DAZAP1: variants seen among roughly 807,000 people sequenced by gnomAD.
DAZAP1 encodes DAZ-associated protein 1.
DAZAP1 carries 6 observed loss-of-function variants against 60.1 expected under a neutral mutation model. The ratio of observed to expected loss-of-function variants is 0.10; its 90% CI spans 0.05 to 0.20. DAZAP1 has a LOEUF of 0.20. Ranked by LOEUF, DAZAP1 falls within the 10% of genes least tolerant of loss-of-function variation. The pLI, the probability that DAZAP1 is intolerant of heterozygous loss-of-function variation, is 1.00. For missense variants in DAZAP1, 366 were observed against 560.4 expected, an observed-to-expected ratio of 0.65 and a Z score of 3.50; for synonymous variants, 235 against 215.9, an observed-to-expected ratio of 1.09 and a Z score of -0.78.
Position 1,432,783 on chromosome 19 carries a change from C to A in DAZAP1, c.1048+93C>A. ...TGCTTCCTCCCCTGCTGGACGCTCC[C>A]CAGCCTTTACCTGGTGGGAAAGGGG... On this transcript the variant is annotated intron_variant, in intron 11 of 11. Transcript: ENST00000233078. This position sits in a 1 kb window ranked among gnomAD's most constrained non-coding sequence, Gnocchi z 4.9. 7.2e-7 allele frequency: 1 copy of A among 1,386,276 alleles called. No individual in the cohort carries two copies. Among genetic ancestry groups the A allele is most frequent in the Non-Finnish European group, 9.8e-7 (1 of 1,018,804 alleles). 85.9% of individuals were successfully genotyped at this position (1,386,276 alleles called of 1,614,324 possible). A position where few individuals can be genotyped will look rare whatever the true frequency, so the allele number is the denominator to read the frequency against.
Position 1,428,131 on chromosome 19 carries a change from C to G in DAZAP1, c.547-711C>G, listed in dbSNP as rs76100005. 1 of 152,218 alleles carries G rather than the reference C, an allele frequency of 6.6e-6. No homozygotes were observed. The highest frequency in any genetic ancestry group is 2.4e-5 in the African/African-American group (1 of 41,410). The allele number at this position is 152,218 out of a possible 1,614,324, so 9.4% of individuals were successfully genotyped here. Reference sequence around the variant, plus strand: ...CCTGAGAAGACTGTGGCTCCTGACACGTCTAGAGAGGAAGGGCCCCGGGCT... The same window carrying G: ...CCTGAGAAGACTGTGGCTCCTGACAGGTCTAGAGAGGAAGGGCCCCGGGCT... On this transcript the variant is annotated intron_variant, in intron 7 of 11. Transcript: ENST00000233078. This position sits in a 1 kb window ranked among gnomAD's most constrained non-coding sequence, Gnocchi z 4.0.
At chr19:1,415,388 TG>T (rs1455945212) in intron 1 of DAZAP1, among the ~76,000 whole-genome samples, 38 of 145,112 alleles carry the variant, frequency 2.6e-4, no homozygotes, top group Non-Finnish European at 5.0e-4. Flanking sequence ...TGTGTGTGTG[TG>T]TTTTGTTTTT....
rs930346130 is a variant in DAZAP1, at chr19:1,432,262, G to A, written c.872-252G>A. 31 of 544,534 alleles carry A rather than the reference G, an allele frequency of 5.7e-5. No individual in the cohort carries two copies. The highest frequency in any genetic ancestry group is 1.6e-4 in the East Asian group (5 of 30,494). The allele number at this position is 544,534 out of a possible 1,614,324, so 33.7% of individuals were successfully genotyped here. Reference sequence around the variant, plus strand: ...CTGAGGCCCACCTGGCGGCTGCTCCGTGAGGAACGAGGTGGCCCTGCTGCA... The same window carrying A: ...CTGAGGCCCACCTGGCGGCTGCTCCATGAGGAACGAGGTGGCCCTGCTGCA... On this transcript the variant is annotated intron_variant, in intron 10 of 11. Transcript: ENST00000233078. This position sits in a 1 kb window ranked among gnomAD's most constrained non-coding sequence, Gnocchi z 4.9.
Position 1,428,756 on chromosome 19 carries a change from G to A in DAZAP1, c.547-86G>A, listed in dbSNP as rs781338948. The stretch of plus-strand genomic sequence containing the variant: ...CTTAAGTTGTAAGATGCTAAGTGTA[G>A]TCATAAGTTACCCGAGGGTGTGTCT... On this transcript the variant is annotated intron_variant, in intron 7 of 11. Transcript: ENST00000233078. This position sits in a 1 kb window ranked among gnomAD's most constrained non-coding sequence, Gnocchi z 4.0. The A allele has an allele frequency of 2.6e-6, 4 of 1,516,084 alleles. No homozygotes were observed. Among genetic ancestry groups the A allele is most frequent in the Non-Finnish European group, 3.6e-6 (4 of 1,107,904 alleles). The allele number at this position is 1,516,084 out of a possible 1,614,324, so 93.9% of individuals were successfully genotyped here.
chr19:1,432,655 C>T lies in DAZAP1; in HGVS notation c.1013C>T (p.Pro338Leu), dbSNP rs951868964. ...SQAAPDMSKP[P>L]TAQPDFPYGQ... is the part of the protein sequence containing the mutation. Reference sequence around the variant, plus strand: ...GCTGCCCCGGACATGAGCAAGCCCCCGACAGCTCAGCCAGACTTCCCCTAT... The same window carrying T: ...GCTGCCCCGGACATGAGCAAGCCCCTGACAGCTCAGCCAGACTTCCCCTAT... The change falls in exon 11 of 12, where the codon CCG (proline) becomes CTG (leucine). Residue 338 changes from proline to leucine, a missense_variant. Pro to Leu is a moderately conservative substitution (Grantham distance 98). Transcript: ENST00000233078. The surrounding 1 kb of genome is among the most constrained non-coding windows in gnomAD (Gnocchi z 4.9). 15 of 1,611,782 alleles carry T rather than the reference C, an allele frequency of 9.3e-6. No homozygotes were observed. The highest frequency in any genetic ancestry group is 1.6e-4 in the Middle Eastern group (1 of 6,066).
rs2144771905 is a variant in DAZAP1 at position 1,418,047 on chromosome 19, AT to A, written c.71-155del. On this transcript the variant is annotated intron_variant, in intron 2 of 11. Coordinates refer to ENST00000233078, the MANE Select transcript of DAZAP1 (RefSeq NM_018959.4). The surrounding 1 kb of genome is among the most constrained non-coding windows in gnomAD (Gnocchi z 5.7). Reference sequence around the variant, plus strand: ...GGACCTCAAGTGTGTGTTGGGCAGAATTCCCCAGCGCTTCCCGTACACCCCC... The same window carrying A: ...GGACCTCAAGTGTGTGTTGGGCAGAATCCCCAGCGCTTCCCGTACACCCCC... Among the ~76,000 whole-genome samples the A allele has an allele frequency of 6.6e-6, 1 of 152,272 alleles. No homozygotes were observed. Among genetic ancestry groups the A allele is most frequent in the Admixed American group, 6.5e-5 (1 of 15,304 alleles).
chr19:1,432,414 C>T lies in DAZAP1; in HGVS notation c.872-100C>T, dbSNP rs1337603556. On this transcript the variant is annotated intron_variant, in intron 10 of 11. Transcript: ENST00000233078. This position sits in a 1 kb window ranked among gnomAD's most constrained non-coding sequence, Gnocchi z 4.9. ...GCGTTCTGTGGGTTTGGGTGGCAGT[C>T]CCGTCTGGGCAGCTCCTGCTGGGCT... 2 of 1,291,526 alleles carry T rather than the reference C, an allele frequency of 1.5e-6. No individual in the cohort carries two copies. Among genetic ancestry groups the T allele is most frequent in the Non-Finnish European group, 2.2e-6 (2 of 901,112 alleles). 80.0% of individuals were successfully genotyped at this position (1,291,526 alleles called of 1,614,324 possible).
chr19:1,410,751 C>T (rs932001447), intron 1 of DAZAP1, among the ~76,000 whole-genome samples: 1 of 152,212 alleles, frequency 6.6e-6, no homozygotes, highest in Admixed American at 6.5e-5. Flanking sequence ...CCATTGTGTT[C>T]TGCTGGCTTC....
intron 7 of DAZAP1, chr19:1,427,259 T>C (rs1177578868): frequency 1.3e-5 from 2 of 152,314 alleles, no homozygotes; most frequent in African/African-American, 2.4e-5. Context: ...GGTCTTGATA[T>C]ACGGGGCAGA....
Position 1,421,084 on chromosome 19 carries a change from C to T in DAZAP1, c.304-64C>T, listed in dbSNP as rs116621053. 9.2e-4 allele frequency: 1,376 copies of T among 1,494,322 alleles called. 19 individuals carry two copies. The African/African-American group carries it at 0.017, about 19-fold the overall frequency. The allele number at this position is 1,494,322 out of a possible 1,614,324, so 92.6% of individuals were successfully genotyped here. A position where few individuals can be genotyped will look rare whatever the true frequency, so the allele number is the denominator to read the frequency against. ...AGCGCGGATTGGCCTTTATGTCCTC[C>T]GCAGCTCGCGGGAGGGTTTGGAGGG... is the stretch of plus-strand genomic sequence containing the variant. On this transcript the variant is annotated intron_variant, in intron 4 of 11. Transcript: ENST00000233078.
At chr19:1,411,256 T>C (rs1035960088) in intron 1 of DAZAP1, among the ~76,000 whole-genome samples, 1 of 152,226 alleles carries the variant, frequency 6.6e-6, no homozygotes, top group Non-Finnish European at 1.5e-5. Context: ...GTCAGCACTC[T>C]GGCCTGGATC....
In DAZAP1 at chr19:1,430,302, C is replaced by T. The variant is rs768749833; in HGVS notation, c.811C>T (p.Pro271Ser). The change falls in exon 10 of 12, where the codon CCT becomes TCT. Residue 271 changes from proline (P) to serine (S), a missense_variant. This residue lies in a region of DAZAP1 where 240 missense variants were observed against 308.8 expected (regional missense o/e 0.78). Coordinates refer to ENST00000233078, the MANE Select transcript of DAZAP1 (RefSeq NM_018959.4). ...PFTSYIVSTP[P>S]GGFPPPQGFP... is the part of the protein sequence containing the mutation. ...CACCTCCTACATCGTGTCCACCCCT[C>T]CTGGAGGCTTTCCCCCTCCCCAGGG... The T allele has an allele frequency of 1.3e-6, 2 of 1,557,002 alleles. No homozygotes were observed. Among genetic ancestry groups the T allele is most frequent in the African/African-American group, 2.7e-5 (2 of 73,184 alleles).
chr19:1,434,414 G>T lies in DAZAP1; in HGVS notation c.1049-323G>T, dbSNP rs1472229626. 6.5e-6 allele frequency: 2 copies of T among 307,486 alleles called. No homozygotes were observed. Among genetic ancestry groups the T allele is most frequent in the Non-Finnish European group, 1.2e-5 (2 of 163,268 alleles). The allele number at this position is 307,486 out of a possible 1,614,324, so 19.0% of individuals were successfully genotyped here. On this transcript the variant is annotated intron_variant, in intron 11 of 11. Coordinates refer to ENST00000233078, the MANE Select transcript of DAZAP1 (RefSeq NM_018959.4). This position sits in a 1 kb window ranked among gnomAD's most constrained non-coding sequence, Gnocchi z 8.0. ...TGCCTTGGGCCATGTGTGTCTCCAAGCCCCGAGGCTTCTCTACCTCCCCTC... is the reference window on the plus strand; with the variant it reads ...TGCCTTGGGCCATGTGTGTCTCCAATCCCCGAGGCTTCTCTACCTCCCCTC...
At chr19:1,424,400 A>G (rs1366494938) in intron 6 of DAZAP1, among the ~76,000 whole-genome samples, 1 of 126,220 alleles carries the variant, frequency 7.9e-6, no homozygotes, top group Non-Finnish European at 1.6e-5. Flanking sequence ...CTGCGTGCAC[A>G]GTCACGCTCA....
In DAZAP1 at chr19:1,432,777, C is replaced by T. The variant is rs999552237; in HGVS notation, c.1048+87C>T. 133 of 1,417,800 alleles carry T rather than the reference C, an allele frequency of 9.4e-5. No individual in the cohort carries two copies. In the African/African-American group the frequency reaches 9.9e-4, roughly 11 times the overall value. The allele number at this position is 1,417,800 out of a possible 1,614,324, so 87.8% of individuals were successfully genotyped here. The stretch of plus-strand genomic sequence containing the variant: ...TTCTTCTGCTTCCTCCCCTGCTGGA[C>T]GCTCCCCAGCCTTTACCTGGTGGGA... On this transcript the variant is annotated intron_variant, in intron 11 of 11. Transcript: ENST00000233078. This position sits in a 1 kb window ranked among gnomAD's most constrained non-coding sequence, Gnocchi z 4.9.
Position 1,422,020 on chromosome 19 carries a change from T to C in DAZAP1, c.415-328T>C, listed in dbSNP as rs1257518655. Among the ~76,000 whole-genome samples, 1 of 152,168 alleles carries C rather than the reference T, an allele frequency of 6.6e-6. No homozygotes were observed. Among genetic ancestry groups the C allele is most frequent in the Non-Finnish European group, 1.5e-5 (1 of 68,020 alleles). ...TCTGTGGGGTCTCCTGGCTCCCACG[T>C]CCCCTGCTAGGATGCGTGGTCGGCG... On this transcript the variant is annotated intron_variant, in intron 5 of 11. Coordinates refer to ENST00000233078, the MANE Select transcript of DAZAP1 (RefSeq NM_018959.4). This position sits in a 1 kb window ranked among gnomAD's most constrained non-coding sequence, Gnocchi z 4.5.
chr19:1,432,399 G>C lies in DAZAP1; in HGVS notation c.872-115G>C. ...GTCCACAAGGCCTGGGCGTTCTGTGGGTTTGGGTGGCAGTCCCGTCTGGGC... is the reference window on the plus strand; with the variant it reads ...GTCCACAAGGCCTGGGCGTTCTGTGCGTTTGGGTGGCAGTCCCGTCTGGGC... On this transcript the variant is annotated intron_variant, in intron 10 of 11. Coordinates refer to ENST00000233078, the MANE Select transcript of DAZAP1 (RefSeq NM_018959.4). The surrounding 1 kb of genome is among the most constrained non-coding windows in gnomAD (Gnocchi z 4.9). 9.1e-7 allele frequency: 1 copy of C among 1,098,798 alleles called. No individual in the cohort carries two copies. The highest frequency in any genetic ancestry group is 1.4e-6 in the Non-Finnish European group (1 of 730,836). The allele number at this position is 1,098,798 out of a possible 1,614,324, so 68.1% of individuals were successfully genotyped here.
At chr19:1,430,387 G>A in intron 10 of DAZAP1, 25 bp downstream of exon 10, 1 of 1,478,348 alleles carries the variant, frequency 6.8e-7, no homozygotes, top group Non-Finnish European at 8.9e-7. Flanking sequence ...CCTTGTGGGA[G>A]GGCCTCCCGC....
intron 1 of DAZAP1, among the ~76,000 whole-genome samples, chr19:1,414,972 C>G (rs1259569085): frequency 6.6e-6 from 1 of 151,948 alleles, no homozygotes; most frequent in Non-Finnish European, 1.5e-5. Flanking sequence ...AGGTGCCTGC[C>G]ACCACCTGGA....
Sources: allele counts gnomAD v4.1 joint callset (sites outside exome capture counted in the v4.1 genomes callset), GRCh38; gene constraint gnomAD v4.1.1; regional missense constraint gnomAD v4.1.1; non-coding constraint Gnocchi (gnomAD v3.1); transcripts MANE v1.5; gene names NCBI Gene and HGNC (gene_info 2026-07-23, HGNC 2026-07-21).